Variants in ATP8A2 observed in about 807,000 individuals in gnomAD.
The protein encoded by ATP8A2 is phospholipid-transporting ATPase IB.
ATP8A2 carries 100 observed loss-of-function variants against 165.6 expected under a neutral mutation model. The observed-to-expected ratio is 0.60, with a 90% CI of 0.51 to 0.71. The LOEUF is 0.71. Among genes scored for constraint, ATP8A2 ranks in the 30% least tolerant of loss-of-function variants. The pLI, the probability that ATP8A2 is intolerant of heterozygous loss-of-function variation, is 0.00. For synonymous variants in ATP8A2, 543 were observed against 548.8 expected, an observed-to-expected ratio of 0.99 and a Z score of 0.15; for missense variants, 1,227 against 1,479.5, an observed-to-expected ratio of 0.83 and a Z score of 2.80.
At chr13:25,516,046 C>T (rs1438347647) in intron 2 of ATP8A2, among the ~76,000 whole-genome samples, 2 of 152,172 alleles carry the variant, frequency 1.3e-5, no homozygotes, top group Non-Finnish European at 2.9e-5. Flanking sequence ...ATTTTTAACT[C>T]TACAACATGA....
intron 24 of ATP8A2, among the ~76,000 whole-genome samples, chr13:25,597,787 A>G (rs1236925350): frequency 6.6e-6 from 1 of 152,156 alleles, no homozygotes; most frequent in Non-Finnish European, 1.5e-5. Context: ...ACGTTGCTAA[A>G]TTTCTGTTAA....
At chr13:25,569,710 T>C (rs980336666) in intron 16 of ATP8A2, among the ~76,000 whole-genome samples, 4 of 152,198 alleles carry the variant, frequency 2.6e-5, no homozygotes, top group African/African-American at 9.6e-5. Context: ...GATAGTCAAC[T>C]GCAATTCAGA....
chr13:25,662,589 T>TGA (rs760309778), intron 24 of ATP8A2, among the ~76,000 whole-genome samples: 2 of 152,182 alleles, frequency 1.3e-5, no homozygotes, highest in Non-Finnish European at 2.9e-5. Flanking sequence ...TGACTGTAAA[T>TGA]GAACAGTGAG....
At chr13:25,890,429 A>G (rs754962150) in intron 33 of ATP8A2, among the ~76,000 whole-genome samples, 10 of 152,224 alleles carry the variant, frequency 6.6e-5, no homozygotes, top group Non-Finnish European at 1.2e-4. Flanking sequence ...TTTCTATATC[A>G]ATTTTAGAAT....
At chr13:25,782,415 T>A (rs1403547640) in intron 27 of ATP8A2, among the ~76,000 whole-genome samples, 4 of 152,236 alleles carry the variant, frequency 2.6e-5, no homozygotes, top group African/African-American at 7.2e-5. Context: ...TAATAAGTGT[T>A]GACCACCTAC....
chr13:25,388,118 G>A (rs1281881958), intron 1 of ATP8A2, among the ~76,000 whole-genome samples: 4 of 152,080 alleles, frequency 2.6e-5, no homozygotes, highest in Middle Eastern at 3.4e-3. Context: ...GGTGAGGGCT[G>A]TTTTGGTTGA....
intron 33 of ATP8A2, among the ~76,000 whole-genome samples, chr13:25,888,428 C>T (rs1223998338): frequency 6.6e-6 from 1 of 152,136 alleles, no homozygotes; most frequent in East Asian, 1.9e-4. Context: ...GCGTCAAGTT[C>T]AGAAAAAGCT....
At position 25,447,307 on chromosome 13, in the gene ATP8A2, A is replaced by T. The variant is rs562663312; in HGVS notation, c.77-21670A>T. Among the ~76,000 whole-genome samples the T allele has an allele frequency of 3.9e-5, 6 of 152,220 alleles. No individual in the cohort carries two copies. In the South Asian group the frequency reaches 1.2e-3, roughly 32 times the overall value. On this transcript the variant is annotated intron_variant, in intron 1 of 36. Transcript: ENST00000381655. ...ATAATTGTACATATTTATGGGGTAC[A>T]TGTTATTTTGATATATGCACACAAT...
chr13:25,532,227 G>A (rs1270348218), intron 4 of ATP8A2, 45 bp from the exon 5 acceptor site: 2 of 1,476,628 alleles, frequency 1.4e-6, no homozygotes, highest in East Asian at 2.3e-5. Flanking sequence ...AATTATTCAT[G>A]TGGAACTTTT....
In ATP8A2 at chr13:25,606,570, A is replaced by C. The variant is rs149146168; in HGVS notation, c.2211+16871A>C. On this transcript the variant is annotated intron_variant, in intron 24 of 36. Transcript: ENST00000381655. ...CTACTTAAATTTAAATTATAAGCCTACTGGAAAGTATTTTTGTCCAACTGA... is the reference window on the plus strand; with the variant it reads ...CTACTTAAATTTAAATTATAAGCCTCCTGGAAAGTATTTTTGTCCAACTGA... Among the ~76,000 whole-genome samples the C allele has an allele frequency of 5.3e-3, 802 of 152,294 alleles. 9 individuals are homozygous for C. The highest frequency in any genetic ancestry group is 0.02 in the South Asian group (98 of 4,832).
intron 24 of ATP8A2, among the ~76,000 whole-genome samples, chr13:25,645,392 G>A (rs1450287177): frequency 1.3e-5 from 2 of 152,082 alleles, no homozygotes; most frequent in African/African-American, 2.4e-5. Context: ...ATGAGATTTG[G>A]GTGGGGACAC....
At chr13:25,373,174 G>A (rs1046120818) in intron 1 of ATP8A2, among the ~76,000 whole-genome samples, 2 of 152,262 alleles carry the variant, frequency 1.3e-5, no homozygotes, top group African/African-American at 4.8e-5. Context: ...TCAGGACTGC[G>A]GCAAGTTTGC....
At chr13:25,812,572 A>T (rs1593385707) in intron 27 of ATP8A2, among the ~76,000 whole-genome samples, 1 of 11,780 alleles carries the variant, frequency 8.5e-5, no homozygotes, top group African/African-American at 2.7e-4. Flanking sequence ...CTATTAATAG[A>T]TTTCTCAGGA....
chr13:25,837,102 G>T, intron 28 of ATP8A2, 61 bp from the exon 29 acceptor site: 2 of 1,579,708 alleles, frequency 1.3e-6, no homozygotes, highest in South Asian at 1.2e-5. Context: ...TGGTAGAAGG[G>T]AACAATGAAG....
chr13:25,949,302 G>A (rs998298333), intron 33 of ATP8A2, among the ~76,000 whole-genome samples: 1 of 152,186 alleles, frequency 6.6e-6, no homozygotes, highest in Non-Finnish European at 1.5e-5. Flanking sequence ...CCCATCTCAG[G>A]GCTCCTCATT....
rs58118663 is a variant in ATP8A2, at chr13:25,378,353, A to AT, written c.76+6076dup. Among the ~76,000 whole-genome samples the AT allele has an allele frequency of 2.5e-3, 367 of 148,064 alleles. 1 individual carries two copies. The highest frequency in any genetic ancestry group is 7.5e-3 in the Admixed American group (113 of 14,996). ...CTCTGTTTTTTTTCCAGAGTTTTGC[A>AT]TTTTTTTTTTTGTAATCATTAGTTT... On this transcript the variant is annotated intron_variant, in intron 1 of 36. Coordinates refer to ENST00000381655, the MANE Select transcript of ATP8A2 (RefSeq NM_016529.6).
intron 1 of ATP8A2, among the ~76,000 whole-genome samples, chr13:25,465,663 T>TTTTCTTCC (rs2035615550): frequency 1.2e-4 from 10 of 86,452 alleles, no homozygotes; most frequent in Middle Eastern, 6.3e-3. Context: ...TCTTGCAGAG[T>TTTTCTTCC]TTTCTTTCTT....
intron 2 of ATP8A2, among the ~76,000 whole-genome samples, chr13:25,515,521 G>A (rs979616240): frequency 4.6e-5 from 7 of 152,236 alleles, no homozygotes; most frequent in South Asian, 2.1e-4. Flanking sequence ...CTCAGAAGGC[G>A]TCTTGGAGGC....
intron 1 of ATP8A2, among the ~76,000 whole-genome samples, chr13:25,426,068 G>T (rs1566123111): frequency 6.6e-6 from 1 of 152,210 alleles, no homozygotes; most frequent in South Asian, 2.1e-4. Context: ...ATCAGTGGTT[G>T]CCAGGGGTTG....
Sources: gnomAD v4.1 joint callset for allele counts (sites outside exome capture counted in the v4.1 genomes callset) on GRCh38, gnomAD v4.1.1 for gene constraint, MANE v1.5 for transcripts, NCBI Gene and HGNC (gene_info 2026-07-23, HGNC 2026-07-21) for gene names.